The following NEURL1 variants were observed in gnomAD, a reference collection of about 807,000 sequenced individuals.
The protein encoded by NEURL1 is neuralized E3 ubiquitin protein ligase 1.
A neutral mutation model predicts 41.2 loss-of-function variants in NEURL1; 26 were observed. The observed-to-expected ratio is 0.63, with a 90% confidence interval of 0.46 to 0.87. The LOEUF (loss-of-function observed/expected upper bound fraction) is 0.87. NEURL1 is among the 40% of genes least tolerant of loss of function. The pLI is 0.00. For synonymous variants in NEURL1, 400 were observed against 402.3 expected, an observed-to-expected ratio of 0.99 and a Z score of 0.07; for missense variants, 761 against 871.1, an observed-to-expected ratio of 0.87 and a Z score of 1.59.
rs2035437296 is a variant in NEURL1, at chr10:103,566,979, T to C, written c.86-3893T>C. Among the ~76,000 whole-genome samples, 1 of 151,186 alleles carries C rather than the reference T, an allele frequency of 6.6e-6. No homozygotes were observed. The highest frequency in any genetic ancestry group is 1.9e-4 in the East Asian group (1 of 5,198). ...AAGGAAACTTTGTTTCTTTTCTTTC[T>C]TTCTTTTTTTTTTTTTTGTTTGAGA... On this transcript the variant is annotated intron_variant, in intron 1 of 5. Coordinates refer to ENST00000369780, the MANE Select transcript of NEURL1 (RefSeq NM_004210.5). The surrounding 1 kb of genome is among the most constrained non-coding windows in gnomAD (Gnocchi z 4.2).
At chr10:103,539,867 T>C (rs2034780820) in intron 1 of NEURL1, among the ~76,000 whole-genome samples, 1 of 152,222 alleles carries the variant, frequency 6.6e-6, no homozygotes. Flanking sequence ...CTAATATATG[T>C]CCTTTGGTTT....
In NEURL1 at chr10:103,493,962, G is replaced by A. The variant is rs902702054; in HGVS notation, c.-426G>A. On this transcript the variant is annotated 5_prime_UTR_variant, in exon 1 of 6. Transcript: ENST00000369780. ...GCCGTCTCCGCGGGGCGGTAACCGA[G>A]CCTGCCTCGGAGCCGCCGAACGCCC... 1.2e-4 allele frequency: 19 copies of A among 155,680 alleles called. No homozygotes were observed. Among genetic ancestry groups the A allele is most frequent in the Non-Finnish European group, 2.7e-4 (19 of 70,728 alleles). The allele number at this position is 155,680 out of a possible 1,614,324, so 9.6% of individuals were successfully genotyped here. A position where few individuals can be genotyped will look rare whatever the true frequency, so the allele number is the denominator to read the frequency against.
intron 3 of NEURL1, among the ~76,000 whole-genome samples, chr10:103,572,163 A>G (rs2035564341): frequency 6.6e-6 from 1 of 152,242 alleles, no homozygotes; most frequent in Admixed American, 6.5e-5. Context: ...TTCATAGAAC[A>G]CTTACTATGT....
intron 1 of NEURL1, among the ~76,000 whole-genome samples, chr10:103,495,957 A>G (rs2033673632): frequency 6.6e-6 from 1 of 152,118 alleles, no homozygotes; most frequent in East Asian, 1.9e-4. Context: ...AAAATACAAA[A>G]ATTAGCCGGG....
rs953601118 is a variant in NEURL1 at position 103,544,536 on chromosome 10, G to T, written c.86-26336G>T. ...ACCAGTCCAAAGCCTCTATTTTACA[G>T]GTGTGAAAACTGTGTCCCGAGAGGG... On this transcript the variant is annotated intron_variant, in intron 1 of 5. Coordinates refer to ENST00000369780, the MANE Select transcript of NEURL1 (RefSeq NM_004210.5). Among the ~76,000 whole-genome samples the T allele has an allele frequency of 3.9e-5, 6 of 152,300 alleles. No individual in the cohort carries two copies. In the East Asian group the frequency reaches 7.7e-4, roughly 20 times the overall value.
rs1483572757 is a variant in NEURL1 at position 103,494,232 on chromosome 10, G to A, written c.-156G>A. On this transcript the variant is annotated 5_prime_UTR_variant, in exon 1 of 6. Coordinates refer to ENST00000369780, the MANE Select transcript of NEURL1 (RefSeq NM_004210.5). ...CAAGGACCGCGAAGTCCAGAGAAAG[G>A]AAGCTGAGGAGCTGCCCGCCCGCCC... 1.8e-6 allele frequency: 1 copy of A among 559,358 alleles called. No homozygotes were observed. The highest frequency in any genetic ancestry group is 3.1e-6 in the Non-Finnish European group (1 of 325,770). The allele number at this position is 559,358 out of a possible 1,614,324, so 34.6% of individuals were successfully genotyped here.
chr10:103,525,238 T>G (rs1426611531), intron 1 of NEURL1, among the ~76,000 whole-genome samples: 1 of 152,068 alleles, frequency 6.6e-6, no homozygotes, highest in Non-Finnish European at 1.5e-5. Flanking sequence ...TTGTTGTTGG[T>G]GTATAGAAAT....
intron 1 of NEURL1, among the ~76,000 whole-genome samples, chr10:103,533,816 T>A (rs567378911): frequency 0.016 from 2,452 of 151,932 alleles, 28 homozygotes; most frequent in Non-Finnish European, 0.024. Flanking sequence ...GATTACAGGC[T>A]TGAGCCACCG....
At chr10:103,552,281 A>G (rs1389493308) in intron 1 of NEURL1, among the ~76,000 whole-genome samples, 1 of 152,136 alleles carries the variant, frequency 6.6e-6, no homozygotes, top group Non-Finnish European at 1.5e-5. Context: ...TCTCAGGAAG[A>G]AGGCCAGAGT....
chr10:103,527,455 A>G (rs1205740035), intron 1 of NEURL1, among the ~76,000 whole-genome samples: 1 of 151,778 alleles, frequency 6.6e-6, no homozygotes, highest in African/African-American at 2.4e-5. Context: ...CAACCATGCC[A>G]GGCTAATTTT....
intron 1 of NEURL1, among the ~76,000 whole-genome samples, chr10:103,510,336 G>C (rs914473577): frequency 6.6e-6 from 1 of 152,212 alleles, no homozygotes; most frequent in Non-Finnish European, 1.5e-5. Flanking sequence ...GCTTTGCTTG[G>C]TGAGTCAAAT....
chr10:103,497,395 G>T (rs943083181), intron 1 of NEURL1, among the ~76,000 whole-genome samples: 4 of 152,130 alleles, frequency 2.6e-5, no homozygotes, highest in African/African-American at 7.2e-5. Flanking sequence ...CCAGAAATTT[G>T]CTGGGAGTAG....
At chr10:103,557,374 ATTCCC>A (rs143137701) in intron 1 of NEURL1, among the ~76,000 whole-genome samples, 2,741 of 152,214 alleles carry the variant, frequency 0.018, 81 homozygotes, top group African/African-American at 0.063. Flanking sequence ...CCAAGGTCAT[ATTCCC>A]TCCCTCTCAT....
At chr10:103,531,420 A>C (rs1202319875) in intron 1 of NEURL1, among the ~76,000 whole-genome samples, 1 of 151,840 alleles carries the variant, frequency 6.6e-6, no homozygotes, top group Non-Finnish European at 1.5e-5. Flanking sequence ...TTTTTTATTT[A>C]TTAGAGGTGG....
chr10:103,591,781 C>T lies in NEURL1; in HGVS notation c.*1409C>T, dbSNP rs967720837. Reference sequence around the variant, plus strand: ...AGGTACCTCAGGTGGCCCAGGAGGTCCCCCCTCCATAAGGACGTCAAACTT... The same window carrying T: ...AGGTACCTCAGGTGGCCCAGGAGGTTCCCCCTCCATAAGGACGTCAAACTT... On this transcript the variant is annotated 3_prime_UTR_variant, in exon 6 of 6. Coordinates refer to ENST00000369780, the MANE Select transcript of NEURL1 (RefSeq NM_004210.5). 2 of 152,190 alleles carry T rather than the reference C, an allele frequency of 1.3e-5. No individual in the cohort carries two copies. The highest frequency in any genetic ancestry group is 4.8e-5 in the African/African-American group (2 of 41,410). 9.4% of individuals were successfully genotyped at this position (152,190 alleles called of 1,614,324 possible). A position where few individuals can be genotyped will look rare whatever the true frequency, so the allele number is the denominator to read the frequency against.
At chr10:103,502,631 C>G (rs577541231) in intron 1 of NEURL1, among the ~76,000 whole-genome samples, 2 of 152,162 alleles carry the variant, frequency 1.3e-5, no homozygotes, top group Admixed American at 6.5e-5. Context: ...ATTGAGGGGG[C>G]GGGTAAAATT....
Position 103,570,989 on chromosome 10 carries a change from A to C in NEURL1, c.203A>C (p.His68Pro). The change falls in exon 2 of 6, where the codon CAC becomes CCC. Residue 68 changes from histidine (H) to proline (P), a missense_variant. By Grantham distance (77) the His-to-Pro change is moderately conservative. Transcript: ENST00000369780. ...LPATPLLFHPHTKGSQILMDL... is the reference protein window; with the variant it reads ...LPATPLLFHPPTKGSQILMDL... The stretch of plus-strand genomic sequence containing the variant: ...GCCACGCCGCTGCTCTTCCACCCGC[A>C]CACCAAGGGCTCCCAGATCCTCATG... 1 of 1,613,894 alleles carries C rather than the reference A, an allele frequency of 6.2e-7. No individual in the cohort carries two copies. Among genetic ancestry groups the C allele is most frequent in the Non-Finnish European group, 8.5e-7 (1 of 1,179,980 alleles).
chr10:103,499,872 G>A (rs183117304), intron 1 of NEURL1, among the ~76,000 whole-genome samples: 12 of 152,176 alleles, frequency 7.9e-5, no homozygotes, highest in African/African-American at 2.6e-4. Flanking sequence ...TCCCTCCTTC[G>A]ATGCTGCCGG....
At chr10:103,585,275 A>C (rs1471883972) in intron 4 of NEURL1, 50 bp downstream of exon 4, 5 of 1,415,584 alleles carry the variant, frequency 3.5e-6, no homozygotes, top group Non-Finnish European at 4.6e-6. Flanking sequence ...GGAGGCGGGG[A>C]CGATCCGGGT....
Sources: gnomAD v4.1 joint callset for allele counts (sites outside exome capture counted in the v4.1 genomes callset) on GRCh38, gnomAD v4.1.1 for gene constraint, Gnocchi (gnomAD v3.1) non-coding constraint, MANE v1.5 for transcripts, NCBI Gene and HGNC (gene_info 2026-07-23, HGNC 2026-07-21) for gene names.